The following INVS variants were observed in gnomAD, a reference collection of about 807,000 sequenced individuals.
INVS encodes inversin.
A neutral mutation model predicts 108.8 loss-of-function variants in INVS; 86 were observed. The observed-to-expected ratio is 0.79, with a 90% CI of 0.66 to 0.95. The LOEUF (loss-of-function observed/expected upper bound fraction) is 0.95, where lower values mean the gene tolerates loss of function less well. Among genes scored for constraint, INVS ranks in the 40% least tolerant of loss-of-function variants. The pLI, the probability that INVS is intolerant of heterozygous loss-of-function variation, is 0.00. For missense variants in INVS, 1,169 were observed against 1,297.4 expected (o/e 0.90, Z 1.52); for synonymous variants, 455 against 473.5 (o/e 0.96, Z 0.51).
In INVS at chr9:100,292,501, C is replaced by G. The variant is rs911041909; in HGVS notation, c.2244C>G (p.Ile748Met). The stretch of plus-strand genomic sequence containing the variant: ...GCTTCGTGAAGCAGCCCTCCTGTAT[C>G]AGGGTGGCTGGGCCTGATGAGAAAG... Reference protein sequence around the residue: ...GKGFVKQPSCIRVAGPDEKGE... With the variant: ...GKGFVKQPSCMRVAGPDEKGE... Residue 748 changes from isoleucine (I) to methionine (M), a missense_variant, in exon 14 of 17, where the codon ATC becomes ATG. Around this residue, in one of 3 missense-constraint regions of INVS, gnomAD observed 533 missense variants for 536.0 expected, o/e 0.99. Transcript: ENST00000262457. 6.8e-6 allele frequency: 11 copies of G among 1,614,158 alleles called. No homozygotes were observed. The highest frequency in any genetic ancestry group is 9.3e-6 in the Non-Finnish European group (11 of 1,180,038).
At chr9:100,293,615 G>T (rs1833695922) in intron 14 of INVS, among the ~76,000 whole-genome samples, 1 of 152,174 alleles carries the variant, frequency 6.6e-6, no homozygotes, top group East Asian at 1.9e-4. Flanking sequence ...ACCTGTCTGA[G>T]CATCTACCAA....
At chr9:100,162,279 A>G (rs1829215699) in intron 3 of INVS, among the ~76,000 whole-genome samples, 1 of 152,222 alleles carries the variant, frequency 6.6e-6, no homozygotes, top group Admixed American at 6.5e-5. Flanking sequence ...CGAATAACAT[A>G]AAAGTGGCTT....
chr9:100,206,500 C>G (rs2118267494), intron 3 of INVS, among the ~76,000 whole-genome samples: 1 of 152,222 alleles, frequency 6.6e-6, no homozygotes, highest in South Asian at 2.1e-4. Flanking sequence ...ATCCTTCTCT[C>G]TACTTTGCCT....
chr9:100,247,102 C>T (rs1396024905), intron 8 of INVS, among the ~76,000 whole-genome samples: 4 of 151,482 alleles, frequency 2.6e-5, no homozygotes, highest in African/African-American at 9.7e-5. Flanking sequence ...AAAAAACCTA[C>T]ACTTTAAAAC....
At chr9:100,175,551 C>T in intron 3 of INVS, 4 of 730,412 alleles carry the variant, frequency 5.5e-6, no homozygotes, top group East Asian at 2.6e-5. Flanking sequence ...TAGCTACAAA[C>T]AGGTTAAGAC....
At chr9:100,198,981 G>A (rs186046621) in intron 3 of INVS, among the ~76,000 whole-genome samples, 22 of 152,282 alleles carry the variant, frequency 1.4e-4, no homozygotes, top group African/African-American at 2.2e-4. Flanking sequence ...TCGCAGAGAC[G>A]TCATAGGAGT....
chr9:100,165,653 G>A (rs1469789614), intron 3 of INVS, among the ~76,000 whole-genome samples: 3 of 151,584 alleles, frequency 2.0e-5, no homozygotes, highest in Middle Eastern at 6.3e-3. Context: ...GAATTTTTTA[G>A]TATCATTTTA....
At chr9:100,205,123 CAT>C (rs1196700210) in intron 3 of INVS, among the ~76,000 whole-genome samples, 16 of 152,200 alleles carry the variant, frequency 1.1e-4, no homozygotes, top group African/African-American at 2.9e-4. Context: ...TGAAAATAAA[CAT>C]GTATCATGAT....
At chr9:100,230,875 T>A (rs1481558454) in intron 5 of INVS, among the ~76,000 whole-genome samples, 1 of 152,258 alleles carries the variant, frequency 6.6e-6, no homozygotes, top group African/African-American at 2.4e-5. Context: ...CTTACTGCTA[T>A]ATAGGATTCC....
At chr9:100,139,908 G>A (rs1028487996) in intron 3 of INVS, among the ~76,000 whole-genome samples, 3 of 152,192 alleles carry the variant, frequency 2.0e-5, no homozygotes, top group African/African-American at 7.2e-5. Context: ...CCACCAAAAT[G>A]TTAGGATTAC....
chr9:100,234,038 C>T lies in INVS; in HGVS notation c.615+4211C>T, dbSNP rs1269814487. 2.6e-5 allele frequency among the ~76,000 whole-genome samples: 4 copies of T among 152,288 alleles called. No individual in the cohort carries two copies. In the South Asian group the frequency reaches 6.2e-4, roughly 24 times the overall value. On this transcript the variant is annotated intron_variant, in intron 5 of 16. Coordinates refer to ENST00000262457, the MANE Select transcript of INVS (RefSeq NM_014425.5). ...GTTGGTAGGCTATTAATTACTGCCTCAATTTCAGAACTTGTTATTGGTCTA... is the reference window on the plus strand; with the variant it reads ...GTTGGTAGGCTATTAATTACTGCCTTAATTTCAGAACTTGTTATTGGTCTA...
At chr9:100,297,874 A>G in intron 15 of INVS, 62 bp from the exon 16 acceptor site, 1 of 1,534,368 alleles carries the variant, frequency 6.5e-7, no homozygotes, top group Non-Finnish European at 9.0e-7. Context: ...AGGAATTCAG[A>G]AGTTGGTCAG....
At chr9:100,237,350 T>C (rs1044660575) in intron 5 of INVS, among the ~76,000 whole-genome samples, 1 of 152,130 alleles carries the variant, frequency 6.6e-6, no homozygotes, top group Non-Finnish European at 1.5e-5. Flanking sequence ...TTCAGCCCCC[T>C]TTCCAGTGGA....
At chr9:100,286,630 C>T (rs1301545081) in intron 13 of INVS, among the ~76,000 whole-genome samples, 1 of 152,218 alleles carries the variant, frequency 6.6e-6, no homozygotes, top group Non-Finnish European at 1.5e-5. Context: ...ATTATATACT[C>T]ATGATGCTTT....
intron 5 of INVS, among the ~76,000 whole-genome samples, chr9:100,232,179 C>G (rs1297887313): frequency 6.6e-6 from 1 of 151,308 alleles, no homozygotes; most frequent in African/African-American, 2.4e-5. Flanking sequence ...TGTTCGTATC[C>G]TTTGCCCACT....
At chr9:100,100,725 C>T (rs369199753) in intron 1 of INVS, among the ~76,000 whole-genome samples, 101 of 7,442 alleles carry the variant, frequency 0.014, 14 homozygotes, top group African/African-American at 0.033. Context: ...ATTATATGTA[C>T]ATATAATATA....
intron 10 of INVS, among the ~76,000 whole-genome samples, chr9:100,262,153 A>G (rs1330891904): frequency 6.6e-6 from 1 of 151,412 alleles, no homozygotes; most frequent in Admixed American, 6.6e-5. Flanking sequence ...TTTTGCGTCT[A>G]TGTTTATGAG....
intron 3 of INVS, chr9:100,215,180 T>G (rs908234859): frequency 3.9e-5 from 6 of 152,202 alleles, no homozygotes; most frequent in Admixed American, 3.3e-4. Context: ...CCTTATCAGT[T>G]GAACAAAATG....
At chr9:100,243,852 A>G (rs1045603175) in intron 7 of INVS, among the ~76,000 whole-genome samples, 2 of 152,086 alleles carry the variant, frequency 1.3e-5, no homozygotes, top group African/African-American at 4.8e-5. Context: ...TTCTACTAAA[A>G]ATACAAAAAT....
Sources: gnomAD v4.1 joint callset for allele counts (sites outside exome capture counted in the v4.1 genomes callset) on GRCh38, gnomAD v4.1.1 for gene constraint, gnomAD v4.1.1 regional missense constraint, MANE v1.5 for transcripts, NCBI Gene and HGNC (gene_info 2026-07-23, HGNC 2026-07-21) for gene names.